The following PLCXD2 variants were observed in gnomAD, a reference collection of about 807,000 sequenced individuals.
The protein encoded by PLCXD2 is PI-PLC X domain-containing protein 2.
PLCXD2 carries 21 observed loss-of-function variants against 28.6 expected under a neutral mutation model. That is an observed-to-expected ratio of 0.73 (90% CI 0.52 to 1.06). The LOEUF is 1.06. Among genes scored for constraint, PLCXD2 ranks in the 50% least tolerant of loss-of-function variants. The pLI is 0.00. For synonymous variants in PLCXD2, 140 were observed against 150.1 expected (o/e 0.93, Z 0.49); for missense variants, 369 against 376.7 (o/e 0.98, Z 0.17).
chr3:111,717,895 C>T (rs1187221608), intron 3 of PLCXD2, among the ~76,000 whole-genome samples: 2 of 152,140 alleles, frequency 1.3e-5, no homozygotes, highest in Admixed American at 6.6e-5. Flanking sequence ...CATGTTGTCA[C>T]GTAAGCAGGA....
chr3:111,680,899 C>T (rs1318400888), intron 1 of PLCXD2, among the ~76,000 whole-genome samples: 1 of 152,082 alleles, frequency 6.6e-6, no homozygotes, highest in Non-Finnish European at 1.5e-5. Flanking sequence ...ATATAGTATG[C>T]TTTCTCTCAC....
chr3:111,706,690 C>CA (rs998102790), intron 1 of PLCXD2, among the ~76,000 whole-genome samples: 1 of 149,986 alleles, frequency 6.7e-6, no homozygotes, highest in Non-Finnish European at 1.5e-5. Flanking sequence ...ACAGAAAACT[C>CA]ACTTCACCTG....
chr3:111,702,683 T>C (rs1446318961), intron 1 of PLCXD2, among the ~76,000 whole-genome samples: 1 of 152,186 alleles, frequency 6.6e-6, no homozygotes, highest in African/African-American at 2.4e-5. Context: ...TCCCTACCAA[T>C]TCCCAAGCAG....
At chr3:111,685,897 T>A (rs1316059670) in intron 1 of PLCXD2, among the ~76,000 whole-genome samples, 1 of 152,172 alleles carries the variant, frequency 6.6e-6, no homozygotes, top group Non-Finnish European at 1.5e-5. Context: ...CCTCCCCATG[T>A]AGAGGGCTTT....
intron 3 of PLCXD2, among the ~76,000 whole-genome samples, chr3:111,719,833 C>T (rs556642065): frequency 3.3e-5 from 5 of 152,224 alleles, no homozygotes; most frequent in African/African-American, 9.6e-5. Context: ...ATTATGTGTA[C>T]GTATTTGTCA....
chr3:111,710,661 T>C (rs1185409910), intron 2 of PLCXD2, among the ~76,000 whole-genome samples: 1 of 152,246 alleles, frequency 6.6e-6, no homozygotes, highest in Non-Finnish European at 1.5e-5. Flanking sequence ...ACTGGTGTTG[T>C]ATATTAGGCT....
At position 111,705,675 on chromosome 3, in the gene PLCXD2, C is replaced by CT. The variant is rs776036573; in HGVS notation, c.164-2245dup. On this transcript the variant is annotated intron_variant, in intron 1 of 4. Transcript: ENST00000477665. ...TTCACCAGCATTTGTTATTTTTTGT[C>CT]TTTTTTGTTTTTATAATTGCTGTTG... Among the ~76,000 whole-genome samples, 154 of 149,374 alleles carry CT rather than the reference C, an allele frequency of 1.0e-3. 2 individuals carry two copies. Among genetic ancestry groups the CT allele is most frequent in the Admixed American group, 7.2e-3 (109 of 15,062 alleles).
At chr3:111,686,540 A>T (rs888104023) in intron 1 of PLCXD2, among the ~76,000 whole-genome samples, 3 of 152,180 alleles carry the variant, frequency 2.0e-5, no homozygotes, top group African/African-American at 4.8e-5. Flanking sequence ...AGGTTTAAAG[A>T]TGTTATCTTT....
intron 2 of PLCXD2, among the ~76,000 whole-genome samples, chr3:111,710,691 A>G (rs894673861): frequency 1.3e-5 from 2 of 152,222 alleles, no homozygotes; most frequent in Admixed American, 6.5e-5. Flanking sequence ...CTTTGCTTTT[A>G]TTAATGAGCC....
At position 111,714,013 on chromosome 3, in the gene PLCXD2, CTG is replaced by C; in HGVS notation, c.752_753del (p.Leu251GlnfsTer2). The C allele has an allele frequency of 6.2e-7, 1 of 1,614,174 alleles. No homozygotes were observed. Among genetic ancestry groups the C allele is most frequent in the Non-Finnish European group, 8.5e-7 (1 of 1,180,044 alleles). On this transcript the variant is annotated frameshift_variant, in exon 3 of 5. Coordinates refer to ENST00000477665, the MANE Select transcript of PLCXD2 (RefSeq NM_001185106.1). LOFTEE classifies it high-confidence loss of function. ...ACTAATCCTCTTCTTGGAGACCACT[CTG>C]AGTGAGCGGGCCTCACGGGGCTCCT...
At chr3:111,723,610 A>C (rs776857289) in intron 3 of PLCXD2, 3 of 152,188 alleles carry the variant, frequency 2.0e-5, no homozygotes, top group Non-Finnish European at 4.4e-5. Context: ...GATTATTTAC[A>C]ATTTTCCCTT....
chr3:111,687,900 T>C (rs943580352), intron 1 of PLCXD2, among the ~76,000 whole-genome samples: 1 of 152,180 alleles, frequency 6.6e-6, no homozygotes, highest in Admixed American at 6.5e-5. Flanking sequence ...CTCAAACTCC[T>C]GAGCTCAAGC....
At chr3:111,725,233 A>G (rs1212328797) in intron 3 of PLCXD2, 1 of 166,794 alleles carries the variant, frequency 6.0e-6, no homozygotes, top group Non-Finnish European at 1.3e-5. Flanking sequence ...AAATGATAGC[A>G]TCAAATATCC....
At chr3:111,710,152 C>G (rs1333541707) in intron 2 of PLCXD2, among the ~76,000 whole-genome samples, 1 of 152,220 alleles carries the variant, frequency 6.6e-6, no homozygotes, top group Non-Finnish European at 1.5e-5. Context: ...TTCTAAATGT[C>G]TTCGACACCA....
rs777014576 is a variant in PLCXD2, at chr3:111,713,980, G to A, written c.718G>A (p.Val240Met). Residue 240 changes from valine to methionine, a missense_variant, in exon 3 of 5, where the codon GTG becomes ATG. Val to Met is a conservative substitution (Grantham distance 21, BLOSUM62 1). Coordinates refer to ENST00000477665, the MANE Select transcript of PLCXD2 (RefSeq NM_001185106.1). ...AGCGCCCTGGGCAAACACCACAAGT[G>A]TGCGCAAACTAATCCTCTTCTTGGA... The A allele has an allele frequency of 4.3e-6, 7 of 1,614,138 alleles. No individual in the cohort carries two copies. The highest frequency in any genetic ancestry group is 5.1e-6 in the Non-Finnish European group (6 of 1,180,022).
At chr3:111,693,185 A>G (rs1940911845) in intron 1 of PLCXD2, among the ~76,000 whole-genome samples, 2 of 152,224 alleles carry the variant, frequency 1.3e-5, no homozygotes, top group African/African-American at 2.4e-5. Flanking sequence ...AGCTCATAAA[A>G]GGCTGCTCAG....
intron 2 of PLCXD2, among the ~76,000 whole-genome samples, chr3:111,711,359 G>A (rs1471648356): frequency 1.3e-5 from 2 of 152,286 alleles, no homozygotes; most frequent in Non-Finnish European, 1.5e-5. Flanking sequence ...AGCTGAGATC[G>A]TGCCATTGCC....
intron 1 of PLCXD2, among the ~76,000 whole-genome samples, chr3:111,704,843 C>G (rs560019808): frequency 4.0e-5 from 6 of 149,414 alleles, no homozygotes; most frequent in African/African-American, 1.5e-4. Context: ...GAGACAGAGT[C>G]TAGCCATCTC....
chr3:111,723,676 A>G (rs1941375714), intron 3 of PLCXD2: 1 of 152,204 alleles, frequency 6.6e-6, no homozygotes, highest in South Asian at 2.1e-4. Flanking sequence ...TGCTTAACAT[A>G]TTGTAAAGGA....
Sources: gnomAD v4.1 joint callset for allele counts (sites outside exome capture counted in the v4.1 genomes callset) on GRCh38, gnomAD v4.1.1 for gene constraint, MANE v1.5 for transcripts, NCBI Gene and HGNC (gene_info 2026-07-23, HGNC 2026-07-21) for gene names.